The following DHRSX variants were observed in gnomAD, a reference collection of about 807,000 sequenced individuals.
The protein encoded by DHRSX is polyprenol dehydrogenase.
A neutral mutation model predicts 34.0 loss-of-function variants in DHRSX; 31 were observed. The ratio of observed to expected loss-of-function variants is 0.91; its 90% CI spans 0.69 to 1.23. The LOEUF (loss-of-function observed/expected upper bound fraction) is 1.23. Ranked by LOEUF, DHRSX falls within the 50% of genes most tolerant of loss-of-function variation. The pLI is 0.00. For missense variants in DHRSX, 414 were observed against 428.1 expected, an observed-to-expected ratio of 0.97 and a Z score of 0.29; for synonymous variants, 201 against 183.8, an observed-to-expected ratio of 1.09 and a Z score of -0.76.
At chrX:2,378,191 G>A (rs28412845) in intron 3 of DHRSX, among the ~76,000 whole-genome samples, 5,815 of 152,266 alleles carry the variant, frequency 0.038, 380 homozygotes, top group African/African-American at 0.13. Flanking sequence ...CCTTTGACAC[G>A]GGCTCTGCCC....
At chrX:2,408,888 G>T (rs2043592760) in intron 2 of DHRSX, 75 bp from the exon 3 acceptor site, 10 of 1,014,468 alleles carry the variant, frequency 9.9e-6, no homozygotes, top group Non-Finnish European at 1.4e-5. Flanking sequence ...AAAAAAAAAA[G>T]AGGTTTTAAG....
At chrX:2,425,561 A>T (rs1189665496) in intron 1 of DHRSX, among the ~76,000 whole-genome samples, 2 of 152,154 alleles carry the variant, frequency 1.3e-5, no homozygotes. Context: ...CAGGCTCTGC[A>T]ATATGCCGTC....
At chrX:2,298,614 A>ACACACACACGCG (rs1556457252) in intron 3 of DHRSX, among the ~76,000 whole-genome samples, 1 of 82,956 alleles carries the variant, frequency 1.2e-5, no homozygotes, top group Admixed American at 1.1e-4. Context: ...ACACACACAC[A>ACACACACACGCG]CACACACACA....
At chrX:2,431,004 G>GA (rs1186236653) in intron 1 of DHRSX, among the ~76,000 whole-genome samples, 1 of 151,266 alleles carries the variant, frequency 6.6e-6, no homozygotes, top group African/African-American at 2.4e-5. Context: ...CAGCCTGGGT[G>GA]ACAGAGCAAG....
intron 1 of DHRSX, among the ~76,000 whole-genome samples, chrX:2,430,021 T>C (rs1380663759): frequency 1.3e-5 from 2 of 151,984 alleles, no homozygotes; most frequent in Non-Finnish European, 2.9e-5. Flanking sequence ...GCTTATAATA[T>C]AGAAACAACA....
chrX:2,484,014 C>T (rs1009734784), intron 1 of DHRSX, among the ~76,000 whole-genome samples: 34 of 152,174 alleles, frequency 2.2e-4, no homozygotes, highest in African/African-American at 7.7e-4. Context: ...TCGCTCTTGT[C>T]GCCCAGGATG....
At chrX:2,460,561 C>T (rs935619478) in intron 1 of DHRSX, among the ~76,000 whole-genome samples, 8 of 149,430 alleles carry the variant, frequency 5.4e-5, no homozygotes, top group South Asian at 2.1e-4. Flanking sequence ...TGTGACCACA[C>T]ACGTGTGCCA....
intron 3 of DHRSX, among the ~76,000 whole-genome samples, chrX:2,387,712 C>G (rs1371428541): frequency 6.6e-6 from 1 of 151,994 alleles, no homozygotes; most frequent in Non-Finnish European, 1.5e-5. Flanking sequence ...ACTTTGCATC[C>G]TTCAATCCAA....
chrX:2,313,709 T>C (rs1422997818), intron 3 of DHRSX, among the ~76,000 whole-genome samples: 1 of 152,056 alleles, frequency 6.6e-6, no homozygotes, highest in Non-Finnish European at 1.5e-5. Flanking sequence ...CTCTGTAAAA[T>C]ATTTGAAGAG....
At chrX:2,282,394 C>CAGAA (rs2041716440) in intron 4 of DHRSX, among the ~76,000 whole-genome samples, 1 of 128,230 alleles carries the variant, frequency 7.8e-6, no homozygotes. Flanking sequence ...GAGAAAGAGA[C>CAGAA]AGAGAGAAAG....
At chrX:2,390,781 C>T (rs938190223) in intron 3 of DHRSX, among the ~76,000 whole-genome samples, 3 of 152,248 alleles carry the variant, frequency 2.0e-5, no homozygotes, top group Non-Finnish European at 4.4e-5. Flanking sequence ...TTAATGTCCT[C>T]AAGGTTAGCC....
intron 6 of DHRSX, among the ~76,000 whole-genome samples, chrX:2,227,614 G>A (rs774779965): frequency 1.2e-3 from 133 of 111,356 alleles, no homozygotes; most frequent in African/African-American, 4.4e-3. Flanking sequence ...CAGGAAGGAA[G>A]CAAAGAAGGA....
intron 3 of DHRSX, among the ~76,000 whole-genome samples, chrX:2,386,168 T>A (rs1231336302): frequency 2.8e-5 from 2 of 71,296 alleles, no homozygotes; most frequent in East Asian, 9.6e-4. Context: ...TATTTATTTA[T>A]TTATTTATTT....
chrX:2,237,495 C>T (rs1382198970), intron 6 of DHRSX, among the ~76,000 whole-genome samples: 1 of 151,682 alleles, frequency 6.6e-6, no homozygotes, highest in East Asian at 1.9e-4. Flanking sequence ...TCAGCATTTA[C>T]AATAGCTTTC....
chrX:2,286,262 T>G (rs927486750), intron 4 of DHRSX, among the ~76,000 whole-genome samples: 1 of 152,190 alleles, frequency 6.6e-6, no homozygotes, highest in African/African-American at 2.4e-5. Flanking sequence ...CAGTGCTGAC[T>G]GTATAGAATC....
chrX:2,490,681 C>T (rs776894460), intron 1 of DHRSX: 6 of 1,613,962 alleles, frequency 3.7e-6, no homozygotes, highest in Middle Eastern at 1.7e-4. Flanking sequence ...CCACCAGCTT[C>T]AGGTCTGTCT....
intron 1 of DHRSX, among the ~76,000 whole-genome samples, chrX:2,491,917 C>A (rs1423964230): frequency 6.6e-6 from 1 of 152,222 alleles, no homozygotes; most frequent in Non-Finnish European, 1.5e-5. Context: ...GCCCTTCCAG[C>A]TGCCACTCAG....
intron 3 of DHRSX, among the ~76,000 whole-genome samples, chrX:2,300,225 C>T (rs1398214394): frequency 2.0e-5 from 3 of 152,086 alleles, no homozygotes; most frequent in South Asian, 2.1e-4. Flanking sequence ...TATAGGACAT[C>T]GTTATAGACT....
chrX:2,330,699 GA>G (rs953375412), intron 3 of DHRSX, among the ~76,000 whole-genome samples: 5 of 149,900 alleles, frequency 3.3e-5, no homozygotes, highest in South Asian at 2.1e-4. Context: ...AGGAGGAGAT[GA>G]GGGGCAGGAG....
Sources: gnomAD v4.1 joint callset for allele counts (sites outside exome capture counted in the v4.1 genomes callset) on GRCh38, gnomAD v4.1.1 for gene constraint, MANE v1.5 for transcripts, NCBI Gene and HGNC (gene_info 2026-07-23, HGNC 2026-07-21) for gene names.